Variants in DPP6 observed in about 807,000 individuals in gnomAD.
DPP6 encodes A-type potassium channel modulatory protein DPP6.
Under a neutral mutation model 122.6 loss-of-function variants are expected in DPP6, and 69 were observed. The ratio of observed to expected loss-of-function variants is 0.56; its 90% CI spans 0.46 to 0.69. The LOEUF (loss-of-function observed/expected upper bound fraction) is 0.69. DPP6 is among the 30% of genes least tolerant of loss of function. The pLI, the probability that DPP6 is intolerant of heterozygous loss-of-function variation, is 0.00. For synonymous variants in DPP6, 418 were observed against 433.1 expected, an observed-to-expected ratio of 0.97 and a Z score of 0.43; for missense variants, 928 against 1,116.9, an observed-to-expected ratio of 0.83 and a Z score of 2.41.
intron 10 of DPP6, among the ~76,000 whole-genome samples, chr7:154,781,222 A>G (rs1363222365): frequency 1.3e-5 from 2 of 152,216 alleles, no homozygotes; most frequent in Non-Finnish European, 2.9e-5. Flanking sequence ...GGACAAATAG[A>G]TAGATGGGTG....
At chr7:154,028,235 C>T (rs551948799) in intron 1 of DPP6, among the ~76,000 whole-genome samples, 15 of 152,048 alleles carry the variant, frequency 9.9e-5, no homozygotes, top group African/African-American at 3.6e-4. Flanking sequence ...AAACACAATT[C>T]CCCCGAATAC....
chr7:154,244,290 A>G lies in DPP6; in HGVS notation c.243+191227A>G, dbSNP rs578000333. On this transcript the variant is annotated intron_variant, in intron 1 of 25. Transcript: ENST00000377770. ...TCTATTGACCCTAAATTTTATATAAAGCAAAAATATCCTCTACTGTGGGTA... is the reference window on the plus strand; with the variant it reads ...TCTATTGACCCTAAATTTTATATAAGGCAAAAATATCCTCTACTGTGGGTA... Among the ~76,000 whole-genome samples, 343 of 152,300 alleles carry G rather than the reference A, an allele frequency of 2.3e-3. 4 individuals carry two copies. Among genetic ancestry groups the G allele is most frequent in the East Asian group, 2.9e-3 (15 of 5,174 alleles).
At chr7:154,869,384 G>A (rs1422412923) in intron 18 of DPP6, among the ~76,000 whole-genome samples, 1 of 152,246 alleles carries the variant, frequency 6.6e-6, no homozygotes, top group African/African-American at 2.4e-5. Context: ...AAGCTGCATT[G>A]CGTAGAGCAG....
chr7:153,791,438 T>TTTTTTTTTTC, the DPP6 span, among the ~76,000 whole-genome samples: 3 of 145,514 alleles, frequency 2.1e-5, no homozygotes, highest in African/African-American at 7.6e-5. Context: ...TTTTTTTTTT[T>TTTTTTTTTTC]CAGATGGAGT....
chr7:153,960,305 G>A (rs1049472754), intron 1 of DPP6, among the ~76,000 whole-genome samples: 4 of 151,920 alleles, frequency 2.6e-5, no homozygotes, highest in African/African-American at 9.7e-5. Flanking sequence ...TTTAAAATTG[G>A]AGTCAATCCT....
chr7:154,892,664 A>C lies in DPP6; in HGVS notation c.*184A>C, dbSNP rs1806721233. The C allele has an allele frequency of 1.6e-6, 2 of 1,252,992 alleles. No homozygotes were observed. Among genetic ancestry groups the C allele is most frequent in the South Asian group, 2.5e-5 (2 of 80,224 alleles). 77.6% of individuals were successfully genotyped at this position (1,252,992 alleles called of 1,614,324 possible). ...AACAAGCTCCTTCCCCGGGGTCATC[A>C]CTCACGGCCTCCATGGCACCAGGGA... On this transcript the variant is annotated 3_prime_UTR_variant, in exon 26 of 26. Coordinates refer to ENST00000377770, the MANE Select transcript of DPP6 (RefSeq NM_130797.4).
chr7:154,610,759 A>G (rs193131325), intron 5 of DPP6, among the ~76,000 whole-genome samples: 56 of 146,744 alleles, frequency 3.8e-4, no homozygotes, highest in Admixed American at 1.1e-3. Flanking sequence ...GTGCACCTGT[A>G]TTTGCGTTTC....
chr7:154,489,891 C>T (rs904590836), intron 3 of DPP6, among the ~76,000 whole-genome samples: 3 of 150,000 alleles, frequency 2.0e-5, no homozygotes, highest in Admixed American at 6.6e-5. Context: ...ACGAAAGATA[C>T]GTTTCTGGAA....
intron 5 of DPP6, among the ~76,000 whole-genome samples, chr7:154,590,324 A>G (rs892596556): frequency 6.6e-6 from 1 of 151,908 alleles, no homozygotes; most frequent in African/African-American, 2.4e-5. Context: ...TTATTCAAAA[A>G]TTACAACCTG....
At chr7:153,859,107 A>G in the DPP6 span, among the ~76,000 whole-genome samples, 1 of 152,224 alleles carries the variant, frequency 6.6e-6, no homozygotes, top group African/African-American at 2.4e-5. Context: ...AAGCTGTTCA[A>G]CAGCAATGAT....
At chr7:154,512,331 G>A (rs116860104) in intron 3 of DPP6, among the ~76,000 whole-genome samples, 6 of 152,156 alleles carry the variant, frequency 3.9e-5, no homozygotes, top group Admixed American at 1.3e-4. Context: ...GTGCTTCTAC[G>A]TGTAATGTTA....
chr7:154,828,761 C>T (rs955025475), intron 16 of DPP6, among the ~76,000 whole-genome samples: 1 of 152,206 alleles, frequency 6.6e-6, no homozygotes, highest in Non-Finnish European at 1.5e-5. Context: ...TATGCCTCCA[C>T]AAGGACCATC....
chr7:154,175,799 A>T (rs1182185543), intron 1 of DPP6, among the ~76,000 whole-genome samples: 1 of 149,200 alleles, frequency 6.7e-6, no homozygotes, highest in Non-Finnish European at 1.5e-5. Context: ...GGCTCACTAC[A>T]ACCTCAGCCT....
intron 1 of DPP6, among the ~76,000 whole-genome samples, chr7:154,280,081 C>G (rs899261755): frequency 6.6e-6 from 1 of 152,036 alleles, no homozygotes; most frequent in African/African-American, 2.4e-5. Context: ...TGTTTATCCC[C>G]GATAACTGCA....
chr7:153,894,992 G>A (rs1246711315), intron 1 of DPP6, among the ~76,000 whole-genome samples: 1 of 152,134 alleles, frequency 6.6e-6, no homozygotes, highest in East Asian at 1.9e-4. Flanking sequence ...AGTGAAACAT[G>A]CATGAGAGAG....
chr7:154,315,816 C>T (rs1205337503), intron 1 of DPP6, among the ~76,000 whole-genome samples: 1 of 152,176 alleles, frequency 6.6e-6, no homozygotes, highest in Non-Finnish European at 1.5e-5. Context: ...ATGACTGTGT[C>T]TTCCTCCATA....
At chr7:153,965,921 A>C (rs1795687633) in intron 1 of DPP6, among the ~76,000 whole-genome samples, 1 of 151,840 alleles carries the variant, frequency 6.6e-6, no homozygotes, top group African/African-American at 2.4e-5. Flanking sequence ...GTGTTCATTT[A>C]ATTTTTCTGA....
chr7:154,283,744 C>T (rs1431037589), intron 1 of DPP6, among the ~76,000 whole-genome samples: 1 of 152,166 alleles, frequency 6.6e-6, no homozygotes, highest in Non-Finnish European at 1.5e-5. Context: ...TCAGACTTTA[C>T]TCCAAGCAAT....
intron 3 of DPP6, among the ~76,000 whole-genome samples, chr7:154,530,129 GA>G (rs912681590): frequency 2.0e-3 from 206 of 104,252 alleles, no homozygotes; most frequent in African/African-American, 3.7e-3. Flanking sequence ...TGTCTCAAAA[GA>G]AAAAAAAAAA....
Sources: allele counts gnomAD v4.1 joint callset (sites outside exome capture counted in the v4.1 genomes callset), GRCh38; gene constraint gnomAD v4.1.1; transcripts MANE v1.5; gene names NCBI Gene and HGNC (gene_info 2026-07-23, HGNC 2026-07-21).